UBE2R2: variants seen among roughly 807,000 people sequenced by gnomAD.
The protein encoded by UBE2R2 is ubiquitin-conjugating enzyme E2 R2.
Under a neutral mutation model 27.8 loss-of-function variants are expected in UBE2R2, and 1 was observed. That is an observed-to-expected ratio of 0.04 (90% CI 0.01 to 0.17). The LOEUF (loss-of-function observed/expected upper bound fraction) is 0.17, where lower values mean the gene tolerates loss of function less well. Among genes scored for constraint, UBE2R2 ranks in the 10% least tolerant of loss-of-function variants. The pLI is 1.00. For synonymous variants in UBE2R2, 106 were observed against 113.3 expected (o/e 0.94, Z 0.41); for missense variants, 100 against 291.0 (o/e 0.34, Z 4.78).
At chr9:33,883,757 A>C (rs1821787111) in intron 1 of UBE2R2, among the ~76,000 whole-genome samples, 1 of 151,904 alleles carries the variant, frequency 6.6e-6, no homozygotes, top group African/African-American at 2.4e-5. Flanking sequence ...AAGGTCAATA[A>C]ATTGACCTAT....
At chr9:33,883,830 TA>T (rs1015957281) in intron 1 of UBE2R2, among the ~76,000 whole-genome samples, 27 of 152,074 alleles carry the variant, frequency 1.8e-4, no homozygotes, top group Non-Finnish European at 5.9e-5. Flanking sequence ...TTTTTTTTTT[TA>T]ATTTCAGTTT....
At chr9:33,884,232 C>CTCTCTCTCTCTCTCTCTCTCTCTT in intron 1 of UBE2R2, among the ~76,000 whole-genome samples, 2 of 145,138 alleles carry the variant, frequency 1.4e-5, no homozygotes, top group Non-Finnish European at 3.0e-5. Flanking sequence ...CTCTCTCTCT[C>CTCTCTCTCTCTCTCTCTCTCTCTT]TCTTCCCCCT....
At chr9:33,874,448 C>A (rs900131156) in intron 1 of UBE2R2, among the ~76,000 whole-genome samples, 17 of 151,978 alleles carry the variant, frequency 1.1e-4, no homozygotes, top group Non-Finnish European at 1.5e-5. Context: ...ATTCTTCCTC[C>A]GTTGCCCTCT....
At chr9:33,828,580 G>A (rs1160435179) in intron 1 of UBE2R2, among the ~76,000 whole-genome samples, 1 of 151,440 alleles carries the variant, frequency 6.6e-6, no homozygotes, top group African/African-American at 2.4e-5. Flanking sequence ...ATTTATATTT[G>A]AGATCAAGTC....
chr9:33,912,219 A>T, intron 4 of UBE2R2, 121 bp downstream of exon 4: 1 of 900,558 alleles, frequency 1.1e-6, no homozygotes, highest in Non-Finnish European at 1.6e-6. Context: ...TATTAGATTT[A>T]TAGTGTGGGA....
chr9:33,911,505 A>T (rs1822490046), intron 3 of UBE2R2, among the ~76,000 whole-genome samples: 1 of 148,526 alleles, frequency 6.7e-6, no homozygotes, highest in African/African-American at 2.5e-5. Context: ...TAAATATTTT[A>T]AGCTTTTTCC....
intron 1 of UBE2R2, among the ~76,000 whole-genome samples, chr9:33,867,457 A>G (rs1821389860): frequency 6.6e-6 from 1 of 152,136 alleles, no homozygotes; most frequent in South Asian, 2.1e-4. Context: ...TTTGAACCTT[A>G]GGCTACATAT....
At chr9:33,907,481 C>T (rs1400035027) in intron 3 of UBE2R2, among the ~76,000 whole-genome samples, 2 of 152,160 alleles carry the variant, frequency 1.3e-5, no homozygotes, top group Non-Finnish European at 2.9e-5. Flanking sequence ...CTCTCTGGCC[C>T]TCATTCTTAT....
chr9:33,861,381 G>C (rs115865215), intron 1 of UBE2R2, among the ~76,000 whole-genome samples: 1,730 of 152,062 alleles, frequency 0.011, 38 homozygotes, highest in African/African-American at 0.039. Flanking sequence ...TAGCCTGGCC[G>C]ACATCTCTAC....
At chr9:33,882,971 C>T (rs1821762823) in intron 1 of UBE2R2, among the ~76,000 whole-genome samples, 1 of 152,046 alleles carries the variant, frequency 6.6e-6, no homozygotes, top group Non-Finnish European at 1.5e-5. Context: ...TGCCTGTGAT[C>T]CCAGCTACTC....
At chr9:33,890,983 A>G (rs910266525) in intron 2 of UBE2R2, among the ~76,000 whole-genome samples, 2 of 152,070 alleles carry the variant, frequency 1.3e-5, no homozygotes, top group African/African-American at 4.8e-5. Context: ...TTGTGGTAAT[A>G]GAGATCTAGA....
chr9:33,840,972 T>A (rs1341458050), intron 1 of UBE2R2, among the ~76,000 whole-genome samples: 1 of 152,192 alleles, frequency 6.6e-6, no homozygotes, highest in Non-Finnish European at 1.5e-5. Context: ...TCACCCAGGC[T>A]GGAGTGAAGT....
At chr9:33,849,189 G>A (rs557169269) in intron 1 of UBE2R2, among the ~76,000 whole-genome samples, 31 of 152,104 alleles carry the variant, frequency 2.0e-4, no homozygotes, top group Admixed American at 5.2e-4. Context: ...CCTGGGAGGC[G>A]GAGGTTGCGG....
chr9:33,914,854 C>T (rs1822601778), intron 4 of UBE2R2, among the ~76,000 whole-genome samples: 1 of 151,164 alleles, frequency 6.6e-6, no homozygotes, highest in Admixed American at 6.6e-5. Context: ...AAAAGACAGT[C>T]AGCTGGGCAC....
At chr9:33,844,515 ATTTTT>A (rs34578523) in intron 1 of UBE2R2, among the ~76,000 whole-genome samples, 17 of 110,140 alleles carry the variant, frequency 1.5e-4, no homozygotes, top group Admixed American at 4.1e-4. Flanking sequence ...TCCCACATCT[ATTTTT>A]TTTTTTTTTT....
intron 1 of UBE2R2, among the ~76,000 whole-genome samples, chr9:33,825,266 G>C (rs1295684440): frequency 2.7e-5 from 3 of 111,060 alleles, no homozygotes; most frequent in Non-Finnish European, 1.7e-5. Flanking sequence ...TTTTTTTTGA[G>C]ACAGAGTCTC....
chr9:33,882,390 A>G (rs576117553), intron 1 of UBE2R2, among the ~76,000 whole-genome samples: 27 of 152,174 alleles, frequency 1.8e-4, no homozygotes, highest in African/African-American at 6.5e-4. Context: ...GGGTTCAAGC[A>G]ATTCTCCTGC....
intron 1 of UBE2R2, among the ~76,000 whole-genome samples, chr9:33,860,725 A>C (rs1369092172): frequency 6.6e-6 from 1 of 152,014 alleles, no homozygotes; most frequent in Non-Finnish European, 1.5e-5. Context: ...ACATAGTGAG[A>C]TCCCATCTCT....
intron 1 of UBE2R2, among the ~76,000 whole-genome samples, chr9:33,839,081 CAAA>C (rs71943200): frequency 2.1e-3 from 268 of 128,244 alleles, no homozygotes; most frequent in Non-Finnish European, 2.8e-3. Flanking sequence ...GGCACTGTCT[CAAA>C]AAAAAAAAAA....
Sources: allele counts gnomAD v4.1 joint callset (sites outside exome capture counted in the v4.1 genomes callset), GRCh38; gene constraint gnomAD v4.1.1; transcripts MANE v1.5; gene names NCBI Gene and HGNC (gene_info 2026-07-23, HGNC 2026-07-21).